Variants in SUGCT observed in about 807,000 individuals in gnomAD.
SUGCT encodes the protein succinyl-CoA:glutarate-CoA transferase.
SUGCT carries 41 observed loss-of-function variants against 55.0 expected under a neutral mutation model. The ratio of observed to expected loss-of-function variants is 0.74; its 90% CI spans 0.58 to 0.97. The LOEUF (loss-of-function observed/expected upper bound fraction) is 0.97, where lower values mean the gene tolerates loss of function less well. Ranked by LOEUF, SUGCT falls within the 50% of genes least tolerant of loss-of-function variation. SUGCT has a pLI of 0.00. For missense variants in SUGCT, 568 were observed against 547.8 expected (o/e 1.04, Z -0.37); for synonymous variants, 187 against 200.4 (o/e 0.93, Z 0.56).
chr7:40,173,336 AG>A (rs1216312090), intron 1 of SUGCT, among the ~76,000 whole-genome samples: 2 of 152,184 alleles, frequency 1.3e-5, no homozygotes, highest in Non-Finnish European at 2.9e-5. Context: ...CCAGATCCGG[AG>A]GGGTGGAAGT....
chr7:40,392,058 A>C (rs553491275), intron 9 of SUGCT, among the ~76,000 whole-genome samples: 8 of 152,166 alleles, frequency 5.3e-5, no homozygotes, highest in African/African-American at 7.2e-5. Flanking sequence ...ACTGCATGTT[A>C]TCACTCATAG....
At chr7:40,854,472 C>CTT (rs1375027004) in intron 13 of SUGCT, among the ~76,000 whole-genome samples, 1 of 133,170 alleles carries the variant, frequency 7.5e-6, no homozygotes, top group Admixed American at 7.8e-5. Context: ...TTCTTTCTTT[C>CTT]TTTCTCTTTC....
chr7:40,781,812 G>C (rs1789765394), intron 13 of SUGCT, among the ~76,000 whole-genome samples: 1 of 152,002 alleles, frequency 6.6e-6, no homozygotes, highest in Non-Finnish European at 1.5e-5. Context: ...AACATCAAAT[G>C]GTTATCCCTG....
At chr7:40,739,708 T>C (rs1787366537) in intron 12 of SUGCT, among the ~76,000 whole-genome samples, 2 of 152,200 alleles carry the variant, frequency 1.3e-5, no homozygotes, top group Admixed American at 1.3e-4. Context: ...AAAAATTATT[T>C]GGACATATTT....
intron 13 of SUGCT, among the ~76,000 whole-genome samples, chr7:40,786,816 A>G (rs1372073159): frequency 6.6e-6 from 1 of 152,114 alleles, no homozygotes; most frequent in Admixed American, 6.6e-5. Context: ...AATGTTTTGG[A>G]TCATTAAGAA....
chr7:40,372,482 T>A (rs1460419587), intron 9 of SUGCT, among the ~76,000 whole-genome samples: 1 of 152,140 alleles, frequency 6.6e-6, no homozygotes, highest in Non-Finnish European at 1.5e-5. Flanking sequence ...AAACACTTTT[T>A]TCTTTTGAGC....
intron 12 of SUGCT, among the ~76,000 whole-genome samples, chr7:40,692,795 G>A (rs1784756630): frequency 6.6e-6 from 1 of 151,796 alleles, no homozygotes; most frequent in African/African-American, 2.4e-5. Flanking sequence ...GAAGCCAGCT[G>A]AAATGGGTTC....
At chr7:40,738,391 G>T (rs1270939742) in intron 12 of SUGCT, among the ~76,000 whole-genome samples, 1 of 151,976 alleles carries the variant, frequency 6.6e-6, no homozygotes, top group Non-Finnish European at 1.5e-5. Flanking sequence ...TCATGTAAAT[G>T]CAGTAAACTT....
Position 40,188,449 on chromosome 7 carries a change from A to AG in SUGCT, c.227-46_227-45insG. 4 of 1,335,772 alleles carry AG rather than the reference A, an allele frequency of 3.0e-6. No homozygotes were observed. The South Asian group carries it at 5.3e-5, about 18-fold the overall frequency. The allele number at this position is 1,335,772 out of a possible 1,614,324, so 82.7% of individuals were successfully genotyped here. A position where few individuals can be genotyped will look rare whatever the true frequency, so the allele number is the denominator to read the frequency against. On this transcript the variant is annotated intron_variant, in intron 3 of 13. Coordinates refer to ENST00000335693, the MANE Select transcript of SUGCT (RefSeq NM_001193313.2). ...ACTCCATCTCCAAAAAAAAAAAAAA[A>AG]AAAAAACAAACCCCAAAGATTAATA...
rs532906981 is a variant in SUGCT at position 40,422,339 on chromosome 7, A to G, written c.817-26948A>G. Reference sequence around the variant, plus strand: ...GTTGGTATTGGGGCAATCACTGCTAAAAGTTACCATATATATTATTTCATT... The same window carrying G: ...GTTGGTATTGGGGCAATCACTGCTAGAAGTTACCATATATATTATTTCATT... On this transcript the variant is annotated intron_variant, in intron 9 of 13. Coordinates refer to ENST00000335693, the MANE Select transcript of SUGCT (RefSeq NM_001193313.2). Among the ~76,000 whole-genome samples the G allele has an allele frequency of 1.1e-4, 17 of 152,276 alleles. No individual in the cohort carries two copies. In the East Asian group the frequency reaches 3.3e-3, roughly 29 times the overall value.
intron 13 of SUGCT, among the ~76,000 whole-genome samples, chr7:40,858,403 CAAA>C (rs58628576): frequency 4.4e-3 from 152 of 34,736 alleles, no homozygotes; most frequent in African/African-American, 0.015. Flanking sequence ...AATTCCATCT[CAAA>C]AAAAAAAAAA....
chr7:40,935,380 A>G, the SUGCT span, among the ~76,000 whole-genome samples: 5 of 152,292 alleles, frequency 3.3e-5, no homozygotes, highest in Non-Finnish European at 7.4e-5. Context: ...AAGAAACTCC[A>G]TATCATTAGT....
the SUGCT span, among the ~76,000 whole-genome samples, chr7:40,944,333 T>C: frequency 6.6e-6 from 1 of 151,614 alleles, no homozygotes; most frequent in East Asian, 1.9e-4. Flanking sequence ...GCTTTTGGTG[T>C]TTTAGACATG....
chr7:40,409,161 C>T (rs956360217), intron 9 of SUGCT, among the ~76,000 whole-genome samples: 7 of 152,128 alleles, frequency 4.6e-5, no homozygotes, highest in African/African-American at 1.7e-4. Flanking sequence ...TACCATGATG[C>T]CCAGGCTGGT....
intron 13 of SUGCT, among the ~76,000 whole-genome samples, chr7:40,776,842 G>A (rs947876493): frequency 6.6e-6 from 1 of 152,130 alleles, no homozygotes; most frequent in African/African-American, 2.4e-5. Context: ...ACTTGGCTTT[G>A]GAGAACCCTT....
intron 13 of SUGCT, among the ~76,000 whole-genome samples, chr7:40,819,251 A>G (rs1023027362): frequency 2.6e-5 from 4 of 152,164 alleles, no homozygotes; most frequent in East Asian, 1.9e-4. Flanking sequence ...GGCATGATTT[A>G]TAATCCTTTG....
chr7:40,874,942 C>G, the SUGCT span, among the ~76,000 whole-genome samples: 1 of 152,150 alleles, frequency 6.6e-6, no homozygotes, highest in African/African-American at 2.4e-5. Flanking sequence ...AGTATCAGTC[C>G]CTGTTACAGA....
chr7:40,341,044 A>T (rs563257266), intron 9 of SUGCT, among the ~76,000 whole-genome samples: 12 of 152,212 alleles, frequency 7.9e-5, no homozygotes, highest in Admixed American at 2.0e-4. Flanking sequence ...GGTCTGAAGA[A>T]ACTCAAGGGA....
intron 12 of SUGCT, among the ~76,000 whole-genome samples, chr7:40,500,787 G>T (rs1367870049): frequency 1.3e-5 from 2 of 151,832 alleles, no homozygotes; most frequent in African/African-American, 2.4e-5. Context: ...TTTAAAAAAG[G>T]CCAATGTTCA....
Sources: allele counts gnomAD v4.1 joint callset (sites outside exome capture counted in the v4.1 genomes callset), GRCh38; gene constraint gnomAD v4.1.1; transcripts MANE v1.5; gene names NCBI Gene and HGNC (gene_info 2026-07-23, HGNC 2026-07-21).